Variants in STRN3 observed in about 807,000 individuals in gnomAD.
The protein encoded by STRN3 is striatin 3.
A neutral mutation model predicts 95.6 loss-of-function variants in STRN3; 29 were observed. The ratio of observed to expected loss-of-function variants is 0.30; its 90% CI spans 0.23 to 0.41. The LOEUF (loss-of-function observed/expected upper bound fraction) is 0.41. STRN3 is among the 10% of genes least tolerant of loss of function. The pLI, the probability that STRN3 is intolerant of heterozygous loss-of-function variation, is 1.00. For missense variants in STRN3, 890 were observed against 972.1 expected, an observed-to-expected ratio of 0.92 and a Z score of 1.12; for synonymous variants, 331 against 357.6, an observed-to-expected ratio of 0.93 and a Z score of 0.84.
intron 1 of STRN3, among the ~76,000 whole-genome samples, chr14:30,979,509 G>A (rs1272420011): frequency 6.6e-6 from 1 of 152,106 alleles, no homozygotes; most frequent in Non-Finnish European, 1.5e-5. Flanking sequence ...TGATAATTTA[G>A]GGTAACAAAT....
At chr14:30,958,115 C>A (rs1880010135) in intron 1 of STRN3, among the ~76,000 whole-genome samples, 1 of 152,144 alleles carries the variant, frequency 6.6e-6, no homozygotes, top group Non-Finnish European at 1.5e-5. Flanking sequence ...GAGTTCATGA[C>A]CAGCCTTGGC....
intron 4 of STRN3, among the ~76,000 whole-genome samples, chr14:30,948,691 G>A (rs773806712): frequency 5.3e-5 from 8 of 152,148 alleles, no homozygotes; most frequent in Non-Finnish European, 1.2e-4. Context: ...GAACAAGAAG[G>A]AAGACTATGG....
At chr14:30,966,398 T>TG (rs1001490730) in intron 1 of STRN3, among the ~76,000 whole-genome samples, 5 of 152,164 alleles carry the variant, frequency 3.3e-5, no homozygotes, top group African/African-American at 1.2e-4. Context: ...TATAACAATG[T>TG]GGGGGCTCAT....
chr14:30,944,555 A>ATATATACACG (rs1566449723), intron 5 of STRN3, among the ~76,000 whole-genome samples: 15 of 49,508 alleles, frequency 3.0e-4, no homozygotes, highest in South Asian at 2.4e-3. Context: ...ATATACACGT[A>ATATATACACG]TATATATATA....
intron 7 of STRN3, among the ~76,000 whole-genome samples, chr14:30,933,293 A>T (rs1470134492): frequency 6.7e-6 from 1 of 150,306 alleles, no homozygotes; most frequent in Non-Finnish European, 1.5e-5. Context: ...AAAAAAAAAA[A>T]AAAAAAAAAA....
chr14:30,974,697 AGG>A (rs1881002895), intron 1 of STRN3, among the ~76,000 whole-genome samples: 1 of 151,918 alleles, frequency 6.6e-6, no homozygotes, highest in Admixed American at 6.6e-5. Context: ...TCAGCTACTC[AGG>A]GGGCTGAGAC....
rs752463116 is a variant in STRN3, at chr14:30,906,888, T to C, written c.1877A>G (p.Asn626Ser). 6 of 1,609,646 alleles carry C rather than the reference T, an allele frequency of 3.7e-6. No individual in the cohort carries two copies. The highest frequency in any genetic ancestry group is 4.5e-5 in the East Asian group (2 of 44,822). The change falls in exon 14 of 18, where the codon AAT becomes AGT. Residue 626 changes from asparagine to serine, a missense_variant. Around this residue, in one of 3 missense-constraint regions of STRN3, gnomAD observed 357 missense variants for 422.8 expected, o/e 0.84. Transcript: ENST00000357479. Reference sequence around the variant, plus strand: ...CAAAATTTACTTACTTTTATCTCCATTGTAAGTGCAAATACATGGCAATTT... The same window carrying C: ...CAAAATTTACTTACTTTTATCTCCACTGTAAGTGCAAATACATGGCAATTT... The part of the protein sequence containing the change: ...QEKLPCICTY[N>S]GDKKHGIPTS...
At chr14:31,000,082 A>G (rs1882374928) in intron 1 of STRN3, among the ~76,000 whole-genome samples, 1 of 152,220 alleles carries the variant, frequency 6.6e-6, no homozygotes, top group South Asian at 2.1e-4. Context: ...ATATTAAAAC[A>G]GAAAAGAACT....
At chr14:31,018,745 G>T in intron 1 of STRN3, 1 of 470,498 alleles carries the variant, frequency 2.1e-6, no homozygotes, top group South Asian at 1.6e-5. Context: ...GGGCCATGGT[G>T]CTCCGAACTT....
chr14:31,000,029 C>T (rs1248155965), intron 1 of STRN3, among the ~76,000 whole-genome samples: 1 of 152,122 alleles, frequency 6.6e-6, no homozygotes, highest in African/African-American at 2.4e-5. Context: ...CTATATCCAA[C>T]AAAACTATCC....
In STRN3 at chr14:30,997,209, G is replaced by C. The variant is rs950574519; in HGVS notation, c.282+28695C>G. Among the ~76,000 whole-genome samples, 6 of 152,240 alleles carry C rather than the reference G, an allele frequency of 3.9e-5. No homozygotes were observed. The South Asian group carries it at 1.2e-3, about 32-fold the overall frequency. ...GAAATAACAGGGACGCTGAAAAATG[G>C]GAGGGGGACATGAGCAGATTAACTT... On this transcript the variant is annotated intron_variant, in intron 1 of 17. Coordinates refer to ENST00000357479, the MANE Select transcript of STRN3 (RefSeq NM_001083893.2).
At chr14:30,987,521 TA>T (rs914267836) in intron 1 of STRN3, among the ~76,000 whole-genome samples, 1 of 149,112 alleles carries the variant, frequency 6.7e-6, no homozygotes, top group Non-Finnish European at 1.5e-5. Context: ...AAATAAAAAA[TA>T]AAAAAAAACA....
chr14:30,919,917 T>C (rs1896838938), intron 8 of STRN3, among the ~76,000 whole-genome samples: 1 of 152,140 alleles, frequency 6.6e-6, no homozygotes, highest in African/African-American at 2.4e-5. Flanking sequence ...TTGAACCATA[T>C]ATTTTGAAAG....
rs533374531 is a variant in STRN3 at position 30,909,080 on chromosome 14, T to C, written c.1720+1961A>G. On this transcript the variant is annotated intron_variant, in intron 13 of 17. Coordinates refer to ENST00000357479, the MANE Select transcript of STRN3 (RefSeq NM_001083893.2). ...AAACAGGACTGAATGTTCTGAATGTTTGAAATGTTCTGAAATTAGTGATGA... is the reference window on the plus strand; with the variant it reads ...AAACAGGACTGAATGTTCTGAATGTCTGAAATGTTCTGAAATTAGTGATGA... Among the ~76,000 whole-genome samples, 184 of 151,786 alleles carry C rather than the reference T, an allele frequency of 1.2e-3. 1 individual carries two copies. Among genetic ancestry groups the C allele is most frequent in the Middle Eastern group, 3.4e-3 (1 of 294 alleles).
intron 7 of STRN3, among the ~76,000 whole-genome samples, chr14:30,929,966 A>AAAAAAAAAAAAAAAAAAAAAAAAAAAAC (rs1555317368): frequency 9.2e-6 from 1 of 108,282 alleles, no homozygotes; most frequent in African/African-American, 4.1e-5. Flanking sequence ...AAAAAAAAAA[A>AAAAAAAAAAAAAAAAAAAAAAAAAAAAC]AAAAAAAAAA....
chr14:31,025,658 C>T, intron 1 of STRN3: 1 of 608,350 alleles, frequency 1.6e-6, no homozygotes, highest in Non-Finnish European at 2.8e-6. Flanking sequence ...TACTAAAAGC[C>T]AAAATGGCTG....
intron 1 of STRN3, among the ~76,000 whole-genome samples, chr14:31,011,841 AG>A (rs1594581539): frequency 1.3e-5 from 2 of 152,076 alleles, no homozygotes; most frequent in East Asian, 3.9e-4. Flanking sequence ...GCACTTTGGG[AG>A]GCCAAGGTGG....
chr14:30,924,349 G>A (rs1439272936), intron 8 of STRN3, among the ~76,000 whole-genome samples: 3 of 134,684 alleles, frequency 2.2e-5, no homozygotes, highest in African/African-American at 8.4e-5. Flanking sequence ...GTGCAGTGGC[G>A]CGATCCTGAC....
Position 30,902,648 on chromosome 14 carries a change from AAAAT to A in STRN3, c.2030-9_2030-6del. ...TATGATTATTAGATTGTAAACCTGA[AAAAT>A]AAAGGAAGACAATAAGTTAAAATTC... On this transcript the variant is annotated splice_polypyrimidine_tract_variant and splice_region_variant and intron_variant, in intron 15 of 17. Transcript: ENST00000357479. 1 of 1,537,152 alleles carries A rather than the reference AAAAT, an allele frequency of 6.5e-7. No homozygotes were observed. The highest frequency in any genetic ancestry group is 8.9e-7 in the Non-Finnish European group (1 of 1,127,894).
Sources: gnomAD v4.1 joint callset for allele counts (sites outside exome capture counted in the v4.1 genomes callset) on GRCh38, gnomAD v4.1.1 for gene constraint, gnomAD v4.1.1 regional missense constraint, MANE v1.5 for transcripts, NCBI Gene and HGNC (gene_info 2026-07-23, HGNC 2026-07-21) for gene names.